Variants in ASCL1 observed in about 807,000 individuals in gnomAD.
ASCL1 encodes the protein achaete-scute family bHLH transcription factor 1.
In ASCL1, 2 loss-of-function variants were observed where a neutral mutation model predicts 16.1. That is an observed-to-expected ratio of 0.12 (90% CI 0.05 to 0.39). The LOEUF is 0.39. ASCL1 is among the 10% of genes least tolerant of loss of function. The pLI is 0.99. For synonymous variants in ASCL1, 165 were observed against 155.7 expected (o/e 1.06, Z -0.45); for missense variants, 276 against 336.9 (o/e 0.82, Z 1.41).
Position 102,958,243 on chromosome 12 carries a change from G to T in ASCL1, c.-2G>T, listed in dbSNP as rs867395031. 1.6e-5 allele frequency: 23 copies of T among 1,467,988 alleles called. No homozygotes were observed. The Middle Eastern group carries it at 8.6e-4, about 55-fold the overall frequency. 90.9% of individuals were successfully genotyped at this position (1,467,988 alleles called of 1,614,324 possible). On this transcript the variant is annotated 5_prime_UTR_variant, in exon 1 of 2. Transcript: ENST00000266744. ...TCCGCGACTCCTTGGCCGCCGCTGC[G>T]CATGGAAAGCTCTGCCAAGATGGAG...
intron 1 of ASCL1, 43 bp downstream of exon 1, chr12:102,959,045 C>T: frequency 6.4e-7 from 1 of 1,569,976 alleles, no homozygotes; most frequent in Non-Finnish European, 8.7e-7. Flanking sequence ...TTCTTGCCTT[C>T]GTCCTCCCTC....
At position 102,957,846 on chromosome 12, in the gene ASCL1, T is replaced by G; in HGVS notation, c.-399T>G. 6.0e-6 allele frequency: 1 copy of G among 167,510 alleles called. No individual in the cohort carries two copies. The allele number at this position is 167,510 out of a possible 1,614,324, so 10.4% of individuals were successfully genotyped here. A position where few individuals can be genotyped will look rare whatever the true frequency, so the allele number is the denominator to read the frequency against. Reference sequence around the variant, plus strand: ...CCGGCGCAAGAGAGCGCAGCCTTAGTAGGAGAGGAACGCGAGACGCGGCAG... The same window carrying G: ...CCGGCGCAAGAGAGCGCAGCCTTAGGAGGAGAGGAACGCGAGACGCGGCAG... On this transcript the variant is annotated 5_prime_UTR_variant, in exon 1 of 2. Transcript: ENST00000266744. The surrounding 1 kb of genome is among the most constrained non-coding windows in gnomAD (Gnocchi z 4.1).
chr12:102,959,293 C>T, intron 1 of ASCL1, 69 bp from the exon 2 acceptor site: 2 of 369,576 alleles, frequency 5.4e-6, no homozygotes, highest in Non-Finnish European at 5.0e-6. Flanking sequence ...TTCCCCAGAC[C>T]TCCATCTCCC....
rs1005328234 is a variant in ASCL1 at position 102,958,395 on chromosome 12, C to CAGG, written c.153_154insGAG (p.Gln51_Gln52insGlu). ...CGCCGCAGCGGCAGCGCAGAGCGCG[C>CAGG]AGCAGCAGCAGCAGCAGCAGCAGCA... On this transcript the variant is annotated inframe_insertion, in exon 1 of 2. Coordinates refer to ENST00000266744, the MANE Select transcript of ASCL1 (RefSeq NM_004316.4). The CAGG allele has an allele frequency of 5.8e-5, 41 of 706,346 alleles. No homozygotes were observed. The highest frequency in any genetic ancestry group is 4.6e-4 in the Middle Eastern group (1 of 2,166). The allele number at this position is 706,346 out of a possible 1,614,324, so 43.8% of individuals were successfully genotyped here.
At chr12:102,959,095 G>A (rs1593012954) in intron 1 of ASCL1, 93 bp downstream of exon 1, 2 of 1,317,380 alleles carry the variant, frequency 1.5e-6, no homozygotes, top group South Asian at 2.7e-5. Flanking sequence ...AAGGAGATAA[G>A]GGGATTTTTA....
chr12:102,958,191 G>A lies in ASCL1; in HGVS notation c.-54G>A. Reference sequence around the variant, plus strand: ...TCTCTGTGTCCCCCTCGCGGGCCCCGCACCTCGCGTCCCGGATCGCTCTGA... The same window carrying A: ...TCTCTGTGTCCCCCTCGCGGGCCCCACACCTCGCGTCCCGGATCGCTCTGA... On this transcript the variant is annotated 5_prime_UTR_variant, in exon 1 of 2. Coordinates refer to ENST00000266744, the MANE Select transcript of ASCL1 (RefSeq NM_004316.4). The A allele has an allele frequency of 1.5e-6, 2 of 1,376,036 alleles. No individual in the cohort carries two copies. The highest frequency in any genetic ancestry group is 1.6e-5 in the South Asian group (1 of 64,096). The allele number at this position is 1,376,036 out of a possible 1,614,324, so 85.2% of individuals were successfully genotyped here. A position where few individuals can be genotyped will look rare whatever the true frequency, so the allele number is the denominator to read the frequency against.
Position 102,958,806 on chromosome 12 carries a change from G to C in ASCL1, c.562G>C (p.Val188Leu). Residue 188 changes from valine (V) to leucine (L), a missense_variant, in exon 1 of 2, where the codon GTC (valine) becomes CTC (leucine). Val to Leu is a conservative substitution (Grantham distance 32). Coordinates refer to ENST00000266744, the MANE Select transcript of ASCL1 (RefSeq NM_004316.4). ...GGTGAGCGCCGCCTTCCAGGCAGGC[G>C]TCCTGTCGCCCACCATCTCCCCCAA... ...DAVSAAFQAGVLSPTISPNYS... is the reference protein window; with the variant it reads ...DAVSAAFQAGLLSPTISPNYS... The C allele has an allele frequency of 6.2e-7, 1 of 1,613,936 alleles. No individual in the cohort carries two copies. The highest frequency in any genetic ancestry group is 8.5e-7 in the Non-Finnish European group (1 of 1,179,902).
Position 102,958,255 on chromosome 12 carries a change from C to G in ASCL1, c.11C>G (p.Ser4Cys). 6.8e-7 allele frequency: 1 copy of G among 1,473,842 alleles called. No individual in the cohort carries two copies. Among genetic ancestry groups the G allele is most frequent in the Non-Finnish European group, 9.0e-7 (1 of 1,117,176 alleles). The allele number at this position is 1,473,842 out of a possible 1,614,324, so 91.3% of individuals were successfully genotyped here. The change falls in exon 1 of 2, where the codon TCT becomes TGT. Residue 4 changes from serine to cysteine, a missense_variant. Transcript: ENST00000266744. ...TGGCCGCCGCTGCGCATGGAAAGCT[C>G]TGCCAAGATGGAGAGCGGCGGCGCC... MES[S>C]AKMESGGAGQ...
chr12:102,958,377 G>C lies in ASCL1; in HGVS notation c.133G>C (p.Ala45Pro), dbSNP rs1490071321. 1 of 1,448,614 alleles carries C rather than the reference G, an allele frequency of 6.9e-7. No individual in the cohort carries two copies. Among genetic ancestry groups the C allele is most frequent in the Non-Finnish European group, 9.0e-7 (1 of 1,105,330 alleles). 89.7% of individuals were successfully genotyped at this position (1,448,614 alleles called of 1,614,324 possible). Residue 45 changes from alanine to proline, a missense_variant, in exon 1 of 2, where the codon GCG (alanine) becomes CCG (proline). Physicochemically the swap from Ala to Pro is conservative, Grantham distance 27. Transcript: ENST00000266744. ...AGCCGCGGCGGCCGCAGCCGCCGCAGCGGCAGCGCAGAGCGCGCAGCAGCA... is the reference window on the plus strand; with the variant it reads ...AGCCGCGGCGGCCGCAGCCGCCGCACCGGCAGCGCAGAGCGCGCAGCAGCA... ...AAAAAAAAAA[A>P]AAQSAQQQQQ...
At chr12:102,959,255 TA>T in intron 1 of ASCL1, 106 bp from the exon 2 acceptor site, 1 of 448,454 alleles carries the variant, frequency 2.2e-6, no homozygotes, top group Non-Finnish European at 4.1e-6. Flanking sequence ...TGGGACATGT[TA>T]AAAGAGATGT....
chr12:102,958,801 C>T lies in ASCL1; in HGVS notation c.557C>T (p.Ala186Val). Reference sequence around the variant, plus strand: ...GACGCGGTGAGCGCCGCCTTCCAGGCAGGCGTCCTGTCGCCCACCATCTCC... The same window carrying T: ...GACGCGGTGAGCGCCGCCTTCCAGGTAGGCGTCCTGTCGCCCACCATCTCC... ...EHDAVSAAFQ[A>V]GVLSPTISPN... The change falls in exon 1 of 2, where the codon GCA (alanine) becomes GTA (valine). Residue 186 changes from alanine (A) to valine (V), a missense_variant. Physicochemically the swap from Ala to Val is moderately conservative, Grantham distance 64. Coordinates refer to ENST00000266744, the MANE Select transcript of ASCL1 (RefSeq NM_004316.4). The T allele has an allele frequency of 6.2e-7, 1 of 1,613,990 alleles. No homozygotes were observed. Among genetic ancestry groups the T allele is most frequent in the South Asian group, 1.1e-5 (1 of 91,064 alleles).
Position 102,958,366 on chromosome 12 carries a change from C to G in ASCL1, c.122C>G (p.Ala41Gly), listed in dbSNP as rs887377909. The G allele has an allele frequency of 1.2e-5, 18 of 1,441,264 alleles. No homozygotes were observed. Among genetic ancestry groups the G allele is most frequent in the Middle Eastern group, 4.8e-4 (2 of 4,174 alleles). 89.3% of individuals were successfully genotyped at this position (1,441,264 alleles called of 1,614,324 possible). Residue 41 changes from alanine (A) to glycine (G), a missense_variant, in exon 1 of 2, where the codon GCA becomes GGA. Transcript: ENST00000266744. Reference sequence around the variant, plus strand: ...GCCACGGCCGCAGCCGCGGCGGCCGCAGCCGCCGCAGCGGCAGCGCAGAGC... The same window carrying G: ...GCCACGGCCGCAGCCGCGGCGGCCGGAGCCGCCGCAGCGGCAGCGCAGAGC... ...FFATAAAAAA[A>G]AAAAAAQSAQ...
At position 102,960,088 on chromosome 12, in the gene ASCL1, A is replaced by G. The variant is rs1880071724; in HGVS notation, c.*774A>G. ...AGAGAAAAATTTATAGAAGTTTTGT[A>G]CAAATGGTTTAAAATGTGTATATCT... On this transcript the variant is annotated 3_prime_UTR_variant, in exon 2 of 2. Transcript: ENST00000266744. 6.5e-6 allele frequency: 1 copy of G among 152,688 alleles called. No individual in the cohort carries two copies. Among genetic ancestry groups the G allele is most frequent in the Non-Finnish European group, 1.5e-5 (1 of 68,044 alleles). 9.5% of individuals were successfully genotyped at this position (152,688 alleles called of 1,614,324 possible). A position where few individuals can be genotyped will look rare whatever the true frequency, so the allele number is the denominator to read the frequency against.
chr12:102,957,955 C>T lies in ASCL1; in HGVS notation c.-290C>T. On this transcript the variant is annotated 5_prime_UTR_variant, in exon 1 of 2. Coordinates refer to ENST00000266744, the MANE Select transcript of ASCL1 (RefSeq NM_004316.4). This position sits in a 1 kb window ranked among gnomAD's most constrained non-coding sequence, Gnocchi z 4.1. ...AAGGCGCCAGCGGCAGCCTCACACG[C>T]GAGCGCCACGCGAGGCTCCCGAAGC... is the stretch of plus-strand genomic sequence containing the variant. The T allele has an allele frequency of 3.2e-6, 1 of 312,692 alleles. No homozygotes were observed. The highest frequency in any genetic ancestry group is 5.1e-5 in the East Asian group (1 of 19,516). The allele number at this position is 312,692 out of a possible 1,614,324, so 19.4% of individuals were successfully genotyped here. A position where few individuals can be genotyped will look rare whatever the true frequency, so the allele number is the denominator to read the frequency against.
At chr12:102,959,219 T>A in intron 1 of ASCL1, 143 bp from the exon 2 acceptor site, 1 of 540,376 alleles carries the variant, frequency 1.9e-6, no homozygotes, top group East Asian at 3.3e-5. Context: ...AGTAGTGAGG[T>A]GCAGAGATAC....
chr12:102,958,792 C>T lies in ASCL1; in HGVS notation c.548C>T (p.Ala183Val), dbSNP rs1315300655. Residue 183 changes from alanine to valine, a missense_variant, in exon 1 of 2, where the codon GCC becomes GTC. Physicochemically the swap from Ala to Val is moderately conservative, Grantham distance 64. Transcript: ENST00000266744. ...GACGAGCATGACGCGGTGAGCGCCG[C>T]CTTCCAGGCAGGCGTCCTGTCGCCC... ...LLDEHDAVSA[A>V]FQAGVLSPTI... 1.2e-6 allele frequency: 2 copies of T among 1,613,942 alleles called. No homozygotes were observed. The highest frequency in any genetic ancestry group is 1.7e-6 in the Non-Finnish European group (2 of 1,179,996).
Position 102,958,466 on chromosome 12 carries a change from C to T in ASCL1, c.222C>T (p.Pro74=), listed in dbSNP as rs1223991147. The T allele has an allele frequency of 6.4e-7, 1 of 1,571,712 alleles. No homozygotes were observed. Among genetic ancestry groups the T allele is most frequent in the South Asian group, 1.2e-5 (1 of 86,354 alleles). ...TGAGACCGGCGGCCGACGGCCAGCC[C>T]TCAGGGGGCGGTCACAAGTCAGCGC... ...PQLRPAADGQ[P]SGGGHKSAPK... The change falls in exon 1 of 2, where the codon CCC becomes CCT. Residue 74 remains proline (P), a synonymous_variant. Coordinates refer to ENST00000266744, the MANE Select transcript of ASCL1 (RefSeq NM_004316.4).
At position 102,958,340 on chromosome 12, in the gene ASCL1, T is replaced by C. The variant is rs1879997035; in HGVS notation, c.96T>C (p.Phe32=). Residue 32 remains phenylalanine (F), a synonymous_variant, in exon 1 of 2, where the codon TTT becomes TTC. Transcript: ENST00000266744. ...QPFLPPAACF[F]ATAAAAAAAA... Reference sequence around the variant, plus strand: ...TCCTGCCGCCCGCAGCCTGTTTCTTTGCCACGGCCGCAGCCGCGGCGGCCG... The same window carrying C: ...TCCTGCCGCCCGCAGCCTGTTTCTTCGCCACGGCCGCAGCCGCGGCGGCCG... 6.9e-7 allele frequency: 1 copy of C among 1,458,210 alleles called. No individual in the cohort carries two copies. Among genetic ancestry groups the C allele is most frequent in the Non-Finnish European group, 9.0e-7 (1 of 1,110,140 alleles). 90.3% of individuals were successfully genotyped at this position (1,458,210 alleles called of 1,614,324 possible).
chr12:102,958,463 G>A lies in ASCL1; in HGVS notation c.219G>A (p.Gln73=). 6.4e-7 allele frequency: 1 copy of A among 1,569,252 alleles called. No homozygotes were observed. The highest frequency in any genetic ancestry group is 8.6e-7 in the Non-Finnish European group (1 of 1,158,752). ...APQLRPAADG[Q]PSGGGHKSAP... The stretch of plus-strand genomic sequence containing the variant: ...AGCTGAGACCGGCGGCCGACGGCCA[G>A]CCCTCAGGGGGCGGTCACAAGTCAG... The change falls in exon 1 of 2, where the codon CAG becomes CAA. Residue 73 remains glutamine, a synonymous_variant. Transcript: ENST00000266744.
Sources: allele counts gnomAD v4.1 joint callset, GRCh38; gene constraint gnomAD v4.1.1; non-coding constraint Gnocchi (gnomAD v3.1); transcripts MANE v1.5; gene names NCBI Gene and HGNC (gene_info 2026-07-23, HGNC 2026-07-21).